The following AP1G2 variants were observed in gnomAD, a reference collection of about 807,000 sequenced individuals.
AP1G2 encodes adaptor related protein complex 1 subunit gamma 2, also known as AP-1 complex subunit gamma-like 2.
Under a neutral mutation model 95.8 loss-of-function variants are expected in AP1G2, and 85 were observed. The observed-to-expected ratio is 0.89, with a 90% confidence interval of 0.74 to 1.06. The LOEUF (loss-of-function observed/expected upper bound fraction) is 1.06, where lower values mean the gene tolerates loss of function less well. AP1G2 is among the 50% of genes least tolerant of loss of function. AP1G2 has a pLI of 0.00. For missense variants in AP1G2, 967 were observed against 1,005.8 expected (o/e 0.96, Z 0.52); for synonymous variants, 378 against 400.0 (o/e 0.94, Z 0.66).
chr14:23,565,386 C>A, intron 7 of AP1G2, 187 bp from the exon 8 acceptor site: 1 of 719,476 alleles, frequency 1.4e-6, no homozygotes. Context: ...GAGTTTAGGA[C>A]AGGCTTAAAA....
chr14:23,567,570 T>G lies in AP1G2; in HGVS notation c.-6+169A>C, dbSNP rs979311439. The G allele has an allele frequency of 2.9e-5, 38 of 1,299,620 alleles. No homozygotes were observed. Among genetic ancestry groups the G allele is most frequent in the African/African-American group, 9.3e-5 (6 of 64,572 alleles). 80.5% of individuals were successfully genotyped at this position (1,299,620 alleles called of 1,614,324 possible). A position where few individuals can be genotyped will look rare whatever the true frequency, so the allele number is the denominator to read the frequency against. On this transcript the variant is annotated intron_variant, in intron 1 of 21. Transcript: ENST00000397120. This position sits in a 1 kb window ranked among gnomAD's most constrained non-coding sequence, Gnocchi z 5.3. The stretch of plus-strand genomic sequence containing the variant: ...TGAGCATGCGCGGGAGCCCCACCTA[T>G]TTCTCTCTACCGTTTCCTCCCCCTA...
At chr14:23,565,460 T>C (rs931437851) in intron 7 of AP1G2, 146 bp downstream of exon 7, 2 of 780,232 alleles carry the variant, frequency 2.6e-6, no homozygotes, top group Non-Finnish European at 4.1e-6. Context: ...TCACAGGTCC[T>C]GGGATGACCC....
At position 23,567,260 on chromosome 14, in the gene AP1G2, T is replaced by G. The variant is rs780290356; in HGVS notation, c.55A>C (p.Lys19Gln). 1 of 1,613,080 alleles carries G rather than the reference T, an allele frequency of 6.2e-7. No individual in the cohort carries two copies. The highest frequency in any genetic ancestry group is 8.5e-7 in the Non-Finnish European group (1 of 1,179,590). Reference sequence around the variant, plus strand: ...ACCTCCCGCTCCTGGGCCTGAGTCTTGGCCCCGCGAATCTCTTCGATGAGG... The same window carrying G: ...ACCTCCCGCTCCTGGGCCTGAGTCTGGGCCCCGCGAATCTCTTCGATGAGG... ...QDLIEEIRGAKTQAQEREVIQ... is the reference protein window; with the variant it reads ...QDLIEEIRGAQTQAQEREVIQ... Residue 19 changes from lysine to glutamine, a missense_variant, in exon 2 of 22, where the codon AAG becomes CAG. Lys to Gln is a moderately conservative substitution (Grantham distance 53, BLOSUM62 1). Transcript: ENST00000397120. This position sits in a 1 kb window ranked among gnomAD's most constrained non-coding sequence, Gnocchi z 5.3.
At chr14:23,563,916 G>T in intron 11 of AP1G2, 60 bp from the exon 12 acceptor site, 1 of 1,601,608 alleles carries the variant, frequency 6.2e-7, no homozygotes, top group Non-Finnish European at 8.5e-7. Flanking sequence ...CATGCCTCAG[G>T]CCCTCTGCTT....
intron 19 of AP1G2, chr14:23,561,075 T>TATAA: frequency 7.8e-7 from 1 of 1,278,324 alleles, no homozygotes; most frequent in Non-Finnish European, 9.9e-7. Flanking sequence ...TAAGAAGGGT[T>TATAA]GGGGAGGAAG....
chr14:23,566,869 G>A, intron 2 of AP1G2, 183 bp from the exon 3 acceptor site: 1 of 982,740 alleles, frequency 1.0e-6, no homozygotes, highest in South Asian at 1.7e-5. Context: ...ACTAGGAGTT[G>A]AGGAGGATGG....
At chr14:23,562,652 C>T in intron 14 of AP1G2, 59 bp from the exon 15 acceptor site, 2 of 1,561,084 alleles carry the variant, frequency 1.3e-6, no homozygotes, top group Non-Finnish European at 8.7e-7. Flanking sequence ...CCTGTAATCC[C>T]AGCGCATTGG....
In AP1G2 at chr14:23,566,269, C is replaced by G; in HGVS notation, c.471+9G>C. The G allele has an allele frequency of 6.2e-7, 1 of 1,613,550 alleles. No homozygotes were observed. The highest frequency in any genetic ancestry group is 8.5e-7 in the Non-Finnish European group (1 of 1,179,806). On this transcript the variant is annotated intron_variant, in intron 4 of 21. Transcript: ENST00000397120. Reference sequence around the variant, plus strand: ...GCAGGAGCACGTGCCAGGAGTCCCGCCATCTCACCTTCTTGCGCACGTAGG... The same window carrying G: ...GCAGGAGCACGTGCCAGGAGTCCCGGCATCTCACCTTCTTGCGCACGTAGG...
In AP1G2 at chr14:23,561,556, C is replaced by G. The variant is rs766648711; in HGVS notation, c.1813G>C (p.Ala605Pro). ...ADEEAKESKE[A>P]AQLSEAAPVP... The stretch of plus-strand genomic sequence containing the variant: ...GGGGCTGCTTCTGAAAGCTGGGCTG[C>G]TTCTTTGCTTTCCTTTGCTTCCTCA... The change falls in exon 18 of 22, where the codon GCA (alanine) becomes CCA (proline). Residue 605 changes from alanine (A) to proline (P), a missense_variant. Coordinates refer to ENST00000397120, the MANE Select transcript of AP1G2 (RefSeq NM_003917.5). 5.6e-6 allele frequency: 9 copies of G among 1,614,204 alleles called. No individual in the cohort carries two copies. In the South Asian group the frequency reaches 9.9e-5, roughly 18 times the overall value.
rs202232189 is a variant in AP1G2, at chr14:23,562,065, G to A, written c.1630C>T (p.Arg544Cys). The A allele has an allele frequency of 8.7e-6, 14 of 1,612,838 alleles. No individual in the cohort carries two copies. Among genetic ancestry groups the A allele is most frequent in the African/African-American group, 1.3e-5 (1 of 74,900 alleles). Residue 544 changes from arginine to cysteine, a missense_variant and splice_region_variant, in exon 17 of 22, where the codon CGC becomes TGC. Physicochemically the swap from Arg to Cys is radical, Grantham distance 180. Transcript: ENST00000397120. Reference protein sequence around the residue: ...LSTRLCGDNNRIRQVVSIYGS... With the variant: ...LSTRLCGDNNCIRQVVSIYGS... Reference sequence around the variant, plus strand: ...TAGATGGACACCACCTGGCGGATGCGGCTGGGCCAGTGTAGTATGTAAGTG... The same window carrying A: ...TAGATGGACACCACCTGGCGGATGCAGCTGGGCCAGTGTAGTATGTAAGTG...
chr14:23,562,790 C>T, intron 14 of AP1G2, 197 bp from the exon 15 acceptor site: 1 of 625,222 alleles, frequency 1.6e-6, no homozygotes, highest in East Asian at 2.9e-5. Flanking sequence ...CACTGCTGGG[C>T]CAGTGTCTGA....
rs762082955 is a variant in AP1G2, at chr14:23,562,307, G to A, written c.1609C>T (p.Arg537Cys). 9.9e-6 allele frequency: 16 copies of A among 1,614,088 alleles called. No homozygotes were observed. In the Admixed American group the frequency reaches 2.0e-4, roughly 20 times the overall value. ...ALTALMKLST[R>C]LCGDNNRIRQ... ...TCTTACTTGTTGTCCCCACAGAGGC[G>A]AGTGCTGAGCTTCATGAGGGCTGTG... is the stretch of plus-strand genomic sequence containing the variant. Residue 537 changes from arginine (R) to cysteine (C), a missense_variant, in exon 16 of 22, where the codon CGC (arginine) becomes TGC (cysteine). Transcript: ENST00000397120.
In AP1G2 at chr14:23,567,269, G is replaced by A. The variant is rs199693708; in HGVS notation, c.46C>T (p.Arg16Cys). 4.9e-5 allele frequency: 79 copies of A among 1,613,080 alleles called. No homozygotes were observed. In the East Asian group the frequency reaches 1.7e-3, roughly 35 times the overall value. The change falls in exon 2 of 22, where the codon CGC (arginine) becomes TGC (cysteine). Residue 16 changes from arginine (R) to cysteine (C), a missense_variant. Transcript: ENST00000397120. The surrounding 1 kb of genome is among the most constrained non-coding windows in gnomAD (Gnocchi z 5.3). ...LKLQDLIEEI[R>C]GAKTQAQERE... is the part of the protein sequence containing the mutation. ...TCCTGGGCCTGAGTCTTGGCCCCGC[G>A]AATCTCTTCGATGAGGTCCTGAAGC... is the stretch of plus-strand genomic sequence containing the variant.
chr14:23,560,477 T>C (rs11850998), intron 19 of AP1G2, 59 bp from the exon 20 acceptor site: 1 of 1,542,782 alleles, frequency 6.5e-7, no homozygotes, highest in Admixed American at 1.9e-5. Context: ...TGTTTGTTCA[T>C]TCATTCAACA....
Position 23,562,525 on chromosome 14 carries a change from G to A in AP1G2, c.1479C>T (p.Cys493=), listed in dbSNP as rs942180344. The A allele has an allele frequency of 9.3e-6, 15 of 1,614,164 alleles. No individual in the cohort carries two copies. The highest frequency in any genetic ancestry group is 4.5e-5 in the East Asian group (2 of 44,888). The stretch of plus-strand genomic sequence containing the variant: ...TCACCTGAAGGGGCTCAATCTCCTC[G>A]CAGTTCCCTGCCAGCAGGAGGTCCC... ...EYGDLLLAGN[C]EEIEPLQVDE... is the part of the protein sequence containing the mutation. The change falls in exon 15 of 22, where the codon TGC becomes TGT. Residue 493 remains cysteine (C), a synonymous_variant. Coordinates refer to ENST00000397120, the MANE Select transcript of AP1G2 (RefSeq NM_003917.5).
At position 23,566,561 on chromosome 14, in the gene AP1G2, C is replaced by T. The variant is rs79000393; in HGVS notation, c.329+1G>A. On this transcript the variant is annotated splice_donor_variant, in intron 3 of 21. Transcript: ENST00000397120. LOFTEE classifies it high-confidence loss of function. ...CCAAGTGATTGCCAGAACCCTCTCA[C>T]TTCTTGATGCTGTTGGTAATGAGCA... 6.2e-7 allele frequency: 1 copy of T among 1,614,102 alleles called. No individual in the cohort carries two copies. Among genetic ancestry groups the T allele is most frequent in the Non-Finnish European group, 8.5e-7 (1 of 1,179,922 alleles).
chr14:23,565,298 CCT>C, intron 7 of AP1G2, 99 bp from the exon 8 acceptor site: 2 of 1,271,972 alleles, frequency 1.6e-6, no homozygotes, highest in Middle Eastern at 1.9e-4. Context: ...TGGCTCGCTC[CCT>C]AGAGCCTTCC....
At position 23,562,335 on chromosome 14, in the gene AP1G2, G is replaced by A; in HGVS notation, c.1581C>T (p.Ala527=). 1.2e-6 allele frequency: 2 copies of A among 1,614,166 alleles called. No homozygotes were observed. Among genetic ancestry groups the A allele is most frequent in the Non-Finnish European group, 1.7e-6 (2 of 1,180,022 alleles). The change falls in exon 16 of 22, where the codon GCC becomes GCT. Residue 527 remains alanine (A), a synonymous_variant. Transcript: ENST00000397120. ...TGCTGAGCTTCATGAGGGCTGTGAG[G>A]GCATATCCTCGAGTGGCTGGCAGGG... ...HMSLPATRGY[A]LTALMKLSTR... is the part of the protein sequence containing the mutation.
chr14:23,561,970 G>T lies in AP1G2; in HGVS notation c.1725C>A (p.Asp575Glu). 1.2e-6 allele frequency: 2 copies of T among 1,610,046 alleles called. No individual in the cohort carries two copies. Among genetic ancestry groups the T allele is most frequent in the Non-Finnish European group, 1.7e-6 (2 of 1,178,204 alleles). ...CACAGTGCTGGACACACCTCATGTG[G>T]TCGTATTTCCGGAAGAGTGTGTCAT... ...VEYDTLFRKY[D>E]HMRAAILEKM... Residue 575 changes from aspartate (D) to glutamate (E), a missense_variant, in exon 17 of 22, where the codon GAC (aspartate) becomes GAA (glutamate). Transcript: ENST00000397120.
Sources: allele counts gnomAD v4.1 joint callset, GRCh38; gene constraint gnomAD v4.1.1; non-coding constraint Gnocchi (gnomAD v3.1); transcripts MANE v1.5; gene names NCBI Gene and HGNC (gene_info 2026-07-23, HGNC 2026-07-21).